F2RL1: variants seen among roughly 807,000 people sequenced by gnomAD.
F2RL1 encodes the protein proteinase-activated receptor 2.
F2RL1 carries 16 observed loss-of-function variants against 21.7 expected under a neutral mutation model. The observed-to-expected ratio is 0.74, with a 90% CI of 0.50 to 1.12. The LOEUF is 1.12. Among genes scored for constraint, F2RL1 ranks in the 50% most tolerant of loss-of-function variants. The pLI, the probability that F2RL1 is intolerant of heterozygous loss-of-function variation, is 0.00. For missense variants in F2RL1, 432 were observed against 477.8 expected, an observed-to-expected ratio of 0.90 and a Z score of 0.89; for synonymous variants, 181 against 186.7, an observed-to-expected ratio of 0.97 and a Z score of 0.25.
At chr5:76,823,414 AGGCTGGAG>A (rs576206298) in intron 1 of F2RL1, among the ~76,000 whole-genome samples, 1,633 of 135,672 alleles carry the variant, frequency 0.012, 43 homozygotes, top group African/African-American at 0.044. Context: ...TGTGTCGCCC[AGGCTGGAG>A]GGCTGGAGTG....
At chr5:76,828,296 G>A (rs1310278226) in intron 1 of F2RL1, among the ~76,000 whole-genome samples, 1 of 152,094 alleles carries the variant, frequency 6.6e-6, no homozygotes, top group Non-Finnish European at 1.5e-5. Flanking sequence ...CCTACCAGCA[G>A]TGTCTGAGAG....
At position 76,833,321 on chromosome 5, in the gene F2RL1, C is replaced by G. The variant is rs773937387; in HGVS notation, c.714C>G (p.Asp238Glu). Reference protein sequence around the residue: ...DVLPEQLLVGDMFNYFLSLAI... With the variant: ...DVLPEQLLVGEMFNYFLSLAI... ...TGCCTGAGCAGCTCTTGGTGGGAGA[C>G]ATGTTCAATTACTTCCTCTCTCTGG... Residue 238 changes from aspartate to glutamate, a missense_variant, in exon 2 of 2, where the codon GAC becomes GAG. By Grantham distance (45) the Asp-to-Glu change is conservative. Transcript: ENST00000296677. 2.5e-6 allele frequency: 4 copies of G among 1,613,926 alleles called. No homozygotes were observed. The highest frequency in any genetic ancestry group is 3.4e-6 in the Non-Finnish European group (4 of 1,180,016).
Position 76,819,207 on chromosome 5 carries a change from C to T in F2RL1, c.25C>T (p.Leu9=). The T allele has an allele frequency of 1.3e-6, 2 of 1,588,276 alleles. No homozygotes were observed. Among genetic ancestry groups the T allele is most frequent in the Non-Finnish European group, 8.5e-7 (1 of 1,176,328 alleles). Residue 9 remains leucine, a synonymous_variant, in exon 1 of 2, where the codon CTG becomes TTG. Transcript: ENST00000296677. The part of the protein sequence containing the change: MRSPSAAW[L]LGAAILLAAS... ...GATGCGGAGCCCCAGCGCGGCGTGG[C>T]TGCTGGGGGCCGCCATCCTGCTAGC...
intron 1 of F2RL1, among the ~76,000 whole-genome samples, chr5:76,829,115 C>CA (rs113689720): frequency 0.18 from 25,380 of 141,060 alleles, 2,988 homozygotes; most frequent in African/African-American, 0.35. Context: ...GACTCCATCT[C>CA]AAAAAAAAAA....
In F2RL1 at chr5:76,825,004, A is replaced by ATTTT. The variant is rs555152159; in HGVS notation, c.82+5758_82+5761dup. 4.0e-3 allele frequency among the ~76,000 whole-genome samples: 515 copies of ATTTT among 129,852 alleles called. 4 individuals are homozygous for ATTTT. The highest frequency in any genetic ancestry group is 0.014 in the African/African-American group (487 of 34,406). The allele number at this position is 129,852 out of a possible 152,430, so 85.2% of individuals were successfully genotyped here. On this transcript the variant is annotated intron_variant, in intron 1 of 1. Transcript: ENST00000296677. ...CAGATTTTGCAAATTGTACATTATAATTTTTTTTTTTTTTTTTTTTTGAGA... is the reference window on the plus strand; with the variant it reads ...CAGATTTTGCAAATTGTACATTATAATTTTTTTTTTTTTTTTTTTTTTTTTGAGA...
At chr5:76,828,935 G>A (rs926909731) in intron 1 of F2RL1, among the ~76,000 whole-genome samples, 1 of 152,028 alleles carries the variant, frequency 6.6e-6, no homozygotes, top group African/African-American at 2.4e-5. Context: ...GACCAACATG[G>A]TGAAACCCCA....
intron 1 of F2RL1, among the ~76,000 whole-genome samples, chr5:76,826,247 G>A (rs897360251): frequency 6.6e-6 from 1 of 151,224 alleles, no homozygotes; most frequent in African/African-American, 2.4e-5. Context: ...CCTTTAAACT[G>A]TACAATTTAG....
At chr5:76,819,363 TCTG>T in intron 1 of F2RL1, 99 bp downstream of exon 1, 7 of 1,007,586 alleles carry the variant, frequency 6.9e-6, no homozygotes, top group Non-Finnish European at 1.0e-5. Flanking sequence ...CGAAGGCTGT[TCTG>T]CTGCCGGCAC....
At chr5:76,827,526 T>C (rs574134817) in intron 1 of F2RL1, among the ~76,000 whole-genome samples, 1 of 149,842 alleles carries the variant, frequency 6.7e-6, no homozygotes, top group Admixed American at 6.6e-5. Context: ...ATAATGCTGC[T>C]ATGAACATTT....
At position 76,819,180 on chromosome 5, in the gene F2RL1, A is replaced by G. The variant is rs2150603552; in HGVS notation, c.-3A>G. 6.3e-7 allele frequency: 1 copy of G among 1,578,960 alleles called. No individual in the cohort carries two copies. The highest frequency in any genetic ancestry group is 8.5e-7 in the Non-Finnish European group (1 of 1,171,820). ...CGCGCCCGGCGTCGGGGCTTCCAGG[A>G]GGATGCGGAGCCCCAGCGCGGCGTG... On this transcript the variant is annotated 5_prime_UTR_variant, in exon 1 of 2. Coordinates refer to ENST00000296677, the MANE Select transcript of F2RL1 (RefSeq NM_005242.6).
chr5:76,824,159 A>ACCC lies in F2RL1; in HGVS notation c.82+4904_82+4906dup, dbSNP rs5868841. ...TAATTGAACTAGTCCTCCCCACCAC[A>ACCC]CCCCCCCCCCCTTTTTTTTTTAAAG... is the stretch of plus-strand genomic sequence containing the variant. On this transcript the variant is annotated intron_variant, in intron 1 of 1. Transcript: ENST00000296677. Among the ~76,000 whole-genome samples, 145 of 86,796 alleles carry ACCC rather than the reference A, an allele frequency of 1.7e-3. 6 individuals carry two copies. Among genetic ancestry groups the ACCC allele is most frequent in the African/African-American group, 2.1e-3 (40 of 19,192 alleles). 56.9% of individuals were successfully genotyped at this position (86,796 alleles called of 152,430 possible). A position where few individuals can be genotyped will look rare whatever the true frequency, so the allele number is the denominator to read the frequency against.
rs111871548 is a variant in F2RL1 at position 76,819,285 on chromosome 5, G to T, written c.82+21G>T. On this transcript the variant is annotated intron_variant, in intron 1 of 1. Coordinates refer to ENST00000296677, the MANE Select transcript of F2RL1 (RefSeq NM_005242.6). The stretch of plus-strand genomic sequence containing the variant: ...CCAAGGTGAGAAACCTGGCCAAGGA[G>T]GGCTCTTATCTCTGAGGAGCTGGGG... 2.2e-3 allele frequency: 3,473 copies of T among 1,577,548 alleles called. 76 individuals carry two copies. The African/African-American group carries it at 0.04, about 18-fold the overall frequency.
In F2RL1 at chr5:76,833,954, C is replaced by T. The variant is rs557576114; in HGVS notation, c.*153C>T. ...GGATTGCTAGGAGCTCCCCTGTTTGCATGAGAAAAGTAGTCCCCCAAATTA... is the reference window on the plus strand; with the variant it reads ...GGATTGCTAGGAGCTCCCCTGTTTGTATGAGAAAAGTAGTCCCCCAAATTA... On this transcript the variant is annotated 3_prime_UTR_variant, in exon 2 of 2. Coordinates refer to ENST00000296677, the MANE Select transcript of F2RL1 (RefSeq NM_005242.6). 2.0e-5 allele frequency: 15 copies of T among 747,196 alleles called. No homozygotes were observed. The East Asian group carries it at 3.6e-4, about 18-fold the overall frequency. 46.3% of individuals were successfully genotyped at this position (747,196 alleles called of 1,614,324 possible). A position where few individuals can be genotyped will look rare whatever the true frequency, so the allele number is the denominator to read the frequency against.
At chr5:76,827,496 C>CA (rs1371545677) in intron 1 of F2RL1, among the ~76,000 whole-genome samples, 88 of 128,688 alleles carry the variant, frequency 6.8e-4, no homozygotes, top group African/African-American at 1.1e-3. Context: ...GACTCCGTCT[C>CA]AAAAAAAAAA....
chr5:76,831,095 G>A (rs143583598), intron 1 of F2RL1, among the ~76,000 whole-genome samples: 38 of 152,250 alleles, frequency 2.5e-4, no homozygotes, highest in Non-Finnish European at 4.3e-4. Flanking sequence ...AATGTAGGGA[G>A]GACATGCCAT....
Position 76,834,814 on chromosome 5 carries a change from T to C in F2RL1, c.*1013T>C, listed in dbSNP as rs537632941. The C allele has an allele frequency of 6.6e-6, 1 of 152,380 alleles. No homozygotes were observed. The highest frequency in any genetic ancestry group is 1.5e-5 in the Non-Finnish European group (1 of 68,034). The allele number at this position is 152,380 out of a possible 1,614,324, so 9.4% of individuals were successfully genotyped here. On this transcript the variant is annotated 3_prime_UTR_variant, in exon 2 of 2. Coordinates refer to ENST00000296677, the MANE Select transcript of F2RL1 (RefSeq NM_005242.6). ...GCTTCCATTTGACAAAGTGCCGTGA[T>C]AATTTTTGAAAAGAGAAGCAAACAA...
At chr5:76,824,851 C>T (rs111972806) in intron 1 of F2RL1, among the ~76,000 whole-genome samples, 1,826 of 152,086 alleles carry the variant, frequency 0.012, 47 homozygotes, top group African/African-American at 0.042. Context: ...AATTTATATT[C>T]CTTTGAGATA....
At chr5:76,819,295 C>A (rs767399758) in intron 1 of F2RL1, 31 bp downstream of exon 1, 2 of 1,555,232 alleles carry the variant, frequency 1.3e-6, no homozygotes, top group South Asian at 2.3e-5. Flanking sequence ...GGGCTCTTAT[C>A]TCTGAGGAGC....
At position 76,834,240 on chromosome 5, in the gene F2RL1, C is replaced by G. The variant is rs979029135; in HGVS notation, c.*439C>G. 4 of 153,018 alleles carry G rather than the reference C, an allele frequency of 2.6e-5. No homozygotes were observed. The highest frequency in any genetic ancestry group is 9.7e-5 in the African/African-American group (4 of 41,394). 9.5% of individuals were successfully genotyped at this position (153,018 alleles called of 1,614,324 possible). A position where few individuals can be genotyped will look rare whatever the true frequency, so the allele number is the denominator to read the frequency against. On this transcript the variant is annotated 3_prime_UTR_variant, in exon 2 of 2. Transcript: ENST00000296677. ...TGAACGACCTTACAAATGAGGAAAC[C>G]AAGATAAATGAGCTGCCAGAATCAG...
Sources: allele counts gnomAD v4.1 joint callset (sites outside exome capture counted in the v4.1 genomes callset), GRCh38; gene constraint gnomAD v4.1.1; transcripts MANE v1.5; gene names NCBI Gene and HGNC (gene_info 2026-07-23, HGNC 2026-07-21).